Variants in SEMA3E observed in about 807,000 individuals in gnomAD.
SEMA3E encodes semaphorin-3E.
In SEMA3E, 49 loss-of-function variants were observed where a neutral mutation model predicts 93.6. The observed-to-expected ratio is 0.52, with a 90% CI of 0.42 to 0.66. The LOEUF (loss-of-function observed/expected upper bound fraction) is 0.66, where lower values mean the gene tolerates loss of function less well. Among genes scored for constraint, SEMA3E ranks in the 30% least tolerant of loss-of-function variants. SEMA3E has a pLI of 0.00. For missense variants in SEMA3E, 906 were observed against 964.8 expected (o/e 0.94, Z 0.81); for synonymous variants, 363 against 330.7 (o/e 1.10, Z -1.06).
intron 4 of SEMA3E, among the ~76,000 whole-genome samples, chr7:83,437,000 C>G (rs954467125): frequency 6.6e-6 from 1 of 152,044 alleles, no homozygotes; most frequent in Admixed American, 6.6e-5. Flanking sequence ...AGAGCTTGTG[C>G]AGGAAAACTC....
intron 4 of SEMA3E, among the ~76,000 whole-genome samples, chr7:83,451,195 A>G (rs1789351821): frequency 6.6e-6 from 1 of 152,114 alleles, no homozygotes; most frequent in African/African-American, 2.4e-5. Context: ...CCTCAGCCAT[A>G]TGGAACTGTG....
At chr7:83,385,183 A>G (rs1787853064) in intron 16 of SEMA3E, 111 bp downstream of exon 16, 7 of 1,113,902 alleles carry the variant, frequency 6.3e-6, no homozygotes, top group Middle Eastern at 4.1e-4. Flanking sequence ...TAAATAAGGC[A>G]TGCATAGTAC....
intron 2 of SEMA3E, among the ~76,000 whole-genome samples, chr7:83,478,075 C>A (rs543320779): frequency 2.0e-5 from 3 of 152,068 alleles, no homozygotes; most frequent in Non-Finnish European, 4.4e-5. Flanking sequence ...CACCTGCCAC[C>A]ACGCCCTGCT....
At chr7:83,441,328 A>C (rs1562784099) in intron 4 of SEMA3E, among the ~76,000 whole-genome samples, 1 of 152,212 alleles carries the variant, frequency 6.6e-6, no homozygotes, top group African/African-American at 2.4e-5. Context: ...ATAACATTTC[A>C]TATGGGGAAT....
chr7:83,639,667 T>G (rs1265472969), intron 1 of SEMA3E, among the ~76,000 whole-genome samples: 1 of 149,890 alleles, frequency 6.7e-6, no homozygotes, highest in Non-Finnish European at 1.5e-5. Context: ...CATTTAAATT[T>G]TTTTCTACCA....
intron 1 of SEMA3E, among the ~76,000 whole-genome samples, chr7:83,552,441 A>G (rs1337198650): frequency 6.6e-6 from 1 of 152,172 alleles, no homozygotes; most frequent in Non-Finnish European, 1.5e-5. Flanking sequence ...GTGCACCTTG[A>G]AAAAGAACAG....
At chr7:83,394,483 T>G in intron 12 of SEMA3E, 145 bp from the exon 13 acceptor site, 1 of 682,068 alleles carries the variant, frequency 1.5e-6, no homozygotes, top group East Asian at 2.7e-5. Flanking sequence ...TAAACCAATA[T>G]GCAAACACAA....
rs1793945567 is a variant in SEMA3E at position 83,639,131 on chromosome 7, A to AAAAAAAAAAAG, written c.115+9296_115+9297insCTTTTTTTTTT. 1.4e-5 allele frequency among the ~76,000 whole-genome samples: 2 copies of AAAAAAAAAAAG among 141,698 alleles called. 1 individual carries two copies. Among genetic ancestry groups the AAAAAAAAAAAG allele is most frequent in the Non-Finnish European group, 3.1e-5 (2 of 65,008 alleles). The allele number at this position is 141,698 out of a possible 152,430, so 93.0% of individuals were successfully genotyped here. ...GTCTCAAAAAAAAAAAAAAAAAAAAAAAAAAAAAACAGAGATTCCTGAGCC... is the reference window on the plus strand; with the variant it reads ...GTCTCAAAAAAAAAAAAAAAAAAAAAAAAAAAAAAAGAAAAAAAAACAGAGATTCCTGAGCC... On this transcript the variant is annotated intron_variant, in intron 1 of 16. Coordinates refer to ENST00000643230, the MANE Select transcript of SEMA3E (RefSeq NM_012431.3).
rs1562760280 is a variant in SEMA3E at position 83,392,713 on chromosome 7, C to T, written c.1509G>A (p.Leu503=). The T allele has an allele frequency of 1.9e-6, 3 of 1,613,812 alleles. No individual in the cohort carries two copies. In the South Asian group the frequency reaches 3.3e-5, roughly 18 times the overall value. Residue 503 remains leucine, a synonymous_variant, in exon 14 of 17, where the codon CTG becomes CTA. Coordinates refer to ENST00000643230, the MANE Select transcript of SEMA3E (RefSeq NM_012431.3). ...SMEISSKRQQ[L]YIGSASAVAQ... ...CCACAGCAGAAGCAGATCCAATATACAGCTGTTGCTACAGAAATCAGAAAG... is the reference window on the plus strand; with the variant it reads ...CCACAGCAGAAGCAGATCCAATATATAGCTGTTGCTACAGAAATCAGAAAG...
At chr7:83,502,572 A>G (rs1157789216) in intron 1 of SEMA3E, among the ~76,000 whole-genome samples, 1 of 151,052 alleles carries the variant, frequency 6.6e-6, no homozygotes, top group Non-Finnish European at 1.5e-5. Flanking sequence ...GTCTTAAGAA[A>G]TAAGCCCTCC....
chr7:83,440,801 CAAAAAA>C (rs55851135), intron 4 of SEMA3E, among the ~76,000 whole-genome samples: 1 of 123,830 alleles, frequency 8.1e-6, no homozygotes. Flanking sequence ...GACTCCGTCT[CAAAAAA>C]AAAAAAAAAA....
chr7:83,402,653 G>C lies in SEMA3E; in HGVS notation c.1122C>G (p.Val374=), dbSNP rs764381218. 6.2e-7 allele frequency: 1 copy of C among 1,612,620 alleles called. No homozygotes were observed. The highest frequency in any genetic ancestry group is 1.1e-5 in the South Asian group (1 of 91,046). ...EYHWSVYEGK[V]PYPRPGSCAS... is the part of the protein sequence containing the mutation. ...TTACAGAACCAGGCCTTGGATAAGG[G>C]ACTTTTCCTTCATAGACTGACCAGT... Residue 374 remains valine (V), a synonymous_variant, in exon 10 of 17, where the codon GTC becomes GTG. Coordinates refer to ENST00000643230, the MANE Select transcript of SEMA3E (RefSeq NM_012431.3).
intron 1 of SEMA3E, among the ~76,000 whole-genome samples, chr7:83,521,712 T>C (rs1022376612): frequency 6.6e-6 from 1 of 152,034 alleles, no homozygotes; most frequent in Non-Finnish European, 1.5e-5. Flanking sequence ...GTTGTCCTCA[T>C]GGGGAACAGA....
intron 16 of SEMA3E, among the ~76,000 whole-genome samples, chr7:83,370,355 T>C (rs1794733503): frequency 6.6e-6 from 1 of 152,184 alleles, no homozygotes; most frequent in African/African-American, 2.4e-5. Flanking sequence ...ATTATTCTTC[T>C]AGTCTCCCTA....
intron 12 of SEMA3E, among the ~76,000 whole-genome samples, chr7:83,396,034 C>T (rs943828473): frequency 4.0e-5 from 5 of 125,146 alleles, no homozygotes; most frequent in Admixed American, 8.8e-5. Context: ...GCAAATGATA[C>T]GACTTGATGT....
At chr7:83,506,987 T>A (rs557614158) in intron 1 of SEMA3E, among the ~76,000 whole-genome samples, 1 of 152,322 alleles carries the variant, frequency 6.6e-6, no homozygotes, top group South Asian at 2.1e-4. Context: ...TCTTACATTC[T>A]ATATTTTATT....
Position 83,469,284 on chromosome 7 carries a change from C to A in SEMA3E, c.295G>T (p.Ala99Ser), listed in dbSNP as rs1218538127. The stretch of plus-strand genomic sequence containing the variant: ...ATTATGCATTCTTCCATTTTTAGAG[C>A]TGTACTCGGCCAGTGTATCTAAAAT... ...GYKEIHWPSTALKMEECIMKG... is the reference protein window; with the variant it reads ...GYKEIHWPSTSLKMEECIMKG... The change falls in exon 3 of 17, where the codon GCT becomes TCT. Residue 99 changes from alanine (A) to serine (S), a missense_variant. By Grantham distance (99) the Ala-to-Ser change is moderately conservative. Transcript: ENST00000643230. 1.2e-6 allele frequency: 2 copies of A among 1,610,404 alleles called. No homozygotes were observed. The highest frequency in any genetic ancestry group is 1.7e-6 in the Non-Finnish European group (2 of 1,177,366).
At chr7:83,502,096 G>C (rs545089892) in intron 1 of SEMA3E, among the ~76,000 whole-genome samples, 1 of 152,188 alleles carries the variant, frequency 6.6e-6, no homozygotes. Context: ...CTCAGTAAAT[G>C]GTTCTTTGGC....
At chr7:83,642,680 A>T (rs2115715720) in intron 1 of SEMA3E, among the ~76,000 whole-genome samples, 1 of 152,256 alleles carries the variant, frequency 6.6e-6, no homozygotes, top group African/African-American at 2.4e-5. Context: ...CAAAATAACC[A>T]TCATCCTTTG....
Sources: allele counts gnomAD v4.1 joint callset (sites outside exome capture counted in the v4.1 genomes callset), GRCh38; gene constraint gnomAD v4.1.1; transcripts MANE v1.5; gene names NCBI Gene and HGNC (gene_info 2026-07-23, HGNC 2026-07-21).